Variants in BRINP3 observed in about 807,000 individuals in gnomAD.
BRINP3 encodes the protein BMP/retinoic acid-inducible neural-specific protein 3.
In BRINP3, 19 loss-of-function variants were observed where a neutral mutation model predicts 71.0. That is an observed-to-expected ratio of 0.27 (90% CI 0.19 to 0.39). The LOEUF is 0.39. Among genes scored for constraint, BRINP3 ranks in the 10% least tolerant of loss-of-function variants. The pLI is 1.00. For synonymous variants in BRINP3, 380 were observed against 337.7 expected, an observed-to-expected ratio of 1.13 and a Z score of -1.37; for missense variants, 959 against 940.8, an observed-to-expected ratio of 1.02 and a Z score of -0.25.
Position 190,393,088 on chromosome 1 carries a change from A to G in BRINP3, c.236+61567T>C, listed in dbSNP as rs545692452. On this transcript the variant is annotated intron_variant, in intron 2 of 7. Coordinates refer to ENST00000367462, the MANE Select transcript of BRINP3 (RefSeq NM_199051.3). ...ATAATATTAAGGGCATGTATCTAGT[A>G]CATTATTTCAATTTTGTTGTATTTC... Among the ~76,000 whole-genome samples the G allele has an allele frequency of 5.9e-5, 9 of 151,738 alleles. No individual in the cohort carries two copies. In the East Asian group the frequency reaches 1.2e-3, roughly 20 times the overall value.
At chr1:190,281,951 A>T (rs1283025848) in intron 2 of BRINP3, among the ~76,000 whole-genome samples, 3 of 151,716 alleles carry the variant, frequency 2.0e-5, no homozygotes, top group African/African-American at 7.3e-5. Flanking sequence ...TAAAGGAAAA[A>T]TAAGCCACCT....
rs370155017 is a variant in BRINP3 at position 190,293,506 on chromosome 1, G to T, written c.237-11756C>A. 6.6e-5 allele frequency among the ~76,000 whole-genome samples: 10 copies of T among 151,360 alleles called. No homozygotes were observed. The East Asian group carries it at 9.6e-4, about 15-fold the overall frequency. ...TTGTTTATTCTGCAGCAGTTTGAGT[G>T]AAATGTTCTGGAAATGTCAGCTTGA... is the stretch of plus-strand genomic sequence containing the variant. On this transcript the variant is annotated intron_variant, in intron 2 of 7. Transcript: ENST00000367462.
At chr1:190,290,448 T>C (rs909580960) in intron 2 of BRINP3, among the ~76,000 whole-genome samples, 1 of 152,112 alleles carries the variant, frequency 6.6e-6, no homozygotes, top group Non-Finnish European at 1.5e-5. Flanking sequence ...TATAGACAAA[T>C]TCAGTTTTCA....
chr1:190,180,964 A>T (rs1652979402), intron 6 of BRINP3, among the ~76,000 whole-genome samples: 1 of 152,190 alleles, frequency 6.6e-6, no homozygotes, highest in East Asian at 1.9e-4. Context: ...GGCATAATTT[A>T]TGTGTATAGT....
chr1:190,330,975 G>T (rs1166932169), intron 2 of BRINP3, among the ~76,000 whole-genome samples: 2 of 151,952 alleles, frequency 1.3e-5, no homozygotes, highest in Non-Finnish European at 2.9e-5. Flanking sequence ...CTACTTAGGG[G>T]AGCGGGGAAG....
intron 1 of BRINP3, among the ~76,000 whole-genome samples, chr1:190,473,540 CTTTTTTT>C (rs201424484): frequency 1.5e-5 from 2 of 133,078 alleles, no homozygotes; most frequent in Admixed American, 1.5e-4. Context: ...TAATTTTTCT[CTTTTTTT>C]TTTTTTTTTG....
chr1:190,455,312 T>G (rs1193686620), intron 1 of BRINP3, among the ~76,000 whole-genome samples: 1 of 152,150 alleles, frequency 6.6e-6, no homozygotes, highest in Non-Finnish European at 1.5e-5. Context: ...TGTTACAAAT[T>G]TTAATACTAG....
intron 6 of BRINP3, among the ~76,000 whole-genome samples, chr1:190,207,910 G>C (rs1655652323): frequency 6.6e-6 from 1 of 152,034 alleles, no homozygotes; most frequent in Admixed American, 6.6e-5. Flanking sequence ...ATCTTGTATA[G>C]AGTTGAACTC....
At chr1:190,269,208 A>T (rs1382431809) in intron 3 of BRINP3, among the ~76,000 whole-genome samples, 1 of 152,120 alleles carries the variant, frequency 6.6e-6, no homozygotes, top group Non-Finnish European at 1.5e-5. Flanking sequence ...CCTTGGGAAA[A>T]GATAGACTTT....
intron 7 of BRINP3, among the ~76,000 whole-genome samples, chr1:190,123,251 A>G (rs1653828298): frequency 6.6e-6 from 1 of 152,160 alleles, no homozygotes. Context: ...ACATGTAAAG[A>G]ATCCACCTGG....
Position 190,301,231 on chromosome 1 carries a change from A to ATATATG in BRINP3, c.237-19482_237-19481insCATATA, listed in dbSNP as rs1664710574. Among the ~76,000 whole-genome samples the ATATATG allele has an allele frequency of 2.9e-5, 4 of 136,850 alleles. No homozygotes were observed. The Admixed American group carries it at 3.0e-4, about 10-fold the overall frequency. 89.8% of individuals were successfully genotyped at this position (136,850 alleles called of 152,430 possible). A position where few individuals can be genotyped will look rare whatever the true frequency, so the allele number is the denominator to read the frequency against. On this transcript the variant is annotated intron_variant, in intron 2 of 7. Transcript: ENST00000367462. ...TATATATATATATATATATATATAT[A>ATATATG]TATACACACATACATATATATATAT... is the stretch of plus-strand genomic sequence containing the variant.
intron 2 of BRINP3, among the ~76,000 whole-genome samples, chr1:190,300,091 T>A (rs2102992708): frequency 6.6e-6 from 1 of 152,246 alleles, no homozygotes; most frequent in East Asian, 1.9e-4. Flanking sequence ...ATCTGAATGT[T>A]GGCCTGCCTT....
intron 2 of BRINP3, among the ~76,000 whole-genome samples, chr1:190,291,022 G>A (rs1663826033): frequency 6.6e-6 from 1 of 151,750 alleles, no homozygotes; most frequent in Non-Finnish European, 1.5e-5. Context: ...GTTGAGAGAA[G>A]TTTATCCATT....
intron 6 of BRINP3, among the ~76,000 whole-genome samples, chr1:190,212,191 C>A (rs968437720): frequency 1.3e-5 from 2 of 151,964 alleles, no homozygotes; most frequent in African/African-American, 4.8e-5. Context: ...AAACCTTTAC[C>A]CATGAGAAGG....
intron 2 of BRINP3, among the ~76,000 whole-genome samples, chr1:190,439,430 A>G (rs1674673962): frequency 6.6e-6 from 1 of 151,962 alleles, no homozygotes; most frequent in Non-Finnish European, 1.5e-5. Context: ...TTTTATATTT[A>G]ACCAAATAAG....
At chr1:190,468,553 A>G (rs1330067312) in intron 1 of BRINP3, among the ~76,000 whole-genome samples, 1 of 151,284 alleles carries the variant, frequency 6.6e-6, no homozygotes, top group East Asian at 1.9e-4. Context: ...CTCTAAAAGG[A>G]AACAAGAATC....
In BRINP3 at chr1:190,301,234, T is replaced by TATATATATATAC. The variant is rs1268377492; in HGVS notation, c.237-19485_237-19484insGTATATATATAT. ...ATATATATATATATATATATATATATACACACATACATATATATATATATC... is the reference window on the plus strand; with the variant it reads ...ATATATATATATATATATATATATATATATATATATACACACACATACATATATATATATATC... On this transcript the variant is annotated intron_variant, in intron 2 of 7. Transcript: ENST00000367462. Among the ~76,000 whole-genome samples the TATATATATATAC allele has an allele frequency of 2.5e-4, 31 of 123,388 alleles. 1 individual carries two copies. Among genetic ancestry groups the TATATATATATAC allele is most frequent in the African/African-American group, 8.3e-4 (25 of 30,290 alleles). The allele number at this position is 123,388 out of a possible 152,430, so 80.9% of individuals were successfully genotyped here. A position where few individuals can be genotyped will look rare whatever the true frequency, so the allele number is the denominator to read the frequency against.
intron 5 of BRINP3, among the ~76,000 whole-genome samples, chr1:190,231,723 AT>A (rs1658009597): frequency 6.6e-6 from 1 of 151,814 alleles, no homozygotes; most frequent in South Asian, 2.1e-4. Flanking sequence ...GGCTCTTTTA[AT>A]TTTTGAAAAA....
intron 1 of BRINP3, among the ~76,000 whole-genome samples, chr1:190,470,370 G>T (rs994262084): frequency 2.0e-5 from 3 of 150,958 alleles, no homozygotes; most frequent in African/African-American, 7.3e-5. Flanking sequence ...TAATGTTCAT[G>T]TATTTATTAA....
Sources: allele counts gnomAD v4.1 joint callset (sites outside exome capture counted in the v4.1 genomes callset), GRCh38; gene constraint gnomAD v4.1.1; transcripts MANE v1.5; gene names NCBI Gene and HGNC (gene_info 2026-07-23, HGNC 2026-07-21).